Variants in SPRED2 observed in about 807,000 individuals in gnomAD.
SPRED2 encodes sprouty-related, EVH1 domain-containing protein 2.
SPRED2 carries 47 observed loss-of-function variants against 43.0 expected under a neutral mutation model. That is an observed-to-expected ratio of 1.09 (90% CI 0.87 to 1.40). SPRED2 has a LOEUF of 1.40. Among genes scored for constraint, SPRED2 ranks in the 40% most tolerant of loss-of-function variants. The pLI is 0.00. For missense variants in SPRED2, 561 were observed against 586.4 expected (o/e 0.96, Z 0.45); for synonymous variants, 225 against 225.7 (o/e 1.00, Z 0.03).
chr2:65,311,392 G>T lies in SPRED2; in HGVS notation c.*2109C>A. On this transcript the variant is annotated 3_prime_UTR_variant, in exon 6 of 6. Coordinates refer to ENST00000356388, the MANE Select transcript of SPRED2 (RefSeq NM_181784.3). ...GGGTGGAAAAGGACAAGGGGTGAAA[G>T]AAGAGAGAAACAGGTAACAACTAAA... The T allele has an allele frequency of 1.0e-6, 1 of 985,910 alleles. No homozygotes were observed. Among genetic ancestry groups the T allele is most frequent in the Non-Finnish European group, 1.2e-6 (1 of 829,942 alleles). The allele number at this position is 985,910 out of a possible 1,614,324, so 61.1% of individuals were successfully genotyped here.
intron 1 of SPRED2, chr2:65,374,052 C>A (rs1044369004): frequency 6.6e-6 from 1 of 152,200 alleles, no homozygotes; most frequent in African/African-American, 2.4e-5. Flanking sequence ...GCTAACTTAA[C>A]GTACTTTTCG....
chr2:65,387,217 G>A (rs1276534835), intron 1 of SPRED2, among the ~76,000 whole-genome samples: 1 of 152,188 alleles, frequency 6.6e-6, no homozygotes, highest in Non-Finnish European at 1.5e-5. Flanking sequence ...CACAGGGGCA[G>A]GAATTCTACA....
At chr2:65,420,149 G>T (rs1676387550) in intron 1 of SPRED2, among the ~76,000 whole-genome samples, 1 of 145,564 alleles carries the variant, frequency 6.9e-6, no homozygotes, top group African/African-American at 2.6e-5. Flanking sequence ...GGCGGCAGTT[G>T]CAGTGAGCCA....
intron 1 of SPRED2, among the ~76,000 whole-genome samples, chr2:65,379,354 G>A (rs943896627): frequency 5.9e-5 from 9 of 152,134 alleles, no homozygotes; most frequent in Non-Finnish European, 7.3e-5. Context: ...TAGCTGCTGA[G>A]TACTGGGGCC....
At chr2:65,394,729 T>G (rs1675714972) in intron 1 of SPRED2, among the ~76,000 whole-genome samples, 1 of 152,136 alleles carries the variant, frequency 6.6e-6, no homozygotes, top group Non-Finnish European at 1.5e-5. Flanking sequence ...TGCTTACTAT[T>G]TCTATTTCCC....
intron 1 of SPRED2, among the ~76,000 whole-genome samples, chr2:65,428,445 A>C (rs527299501): frequency 1.3e-5 from 2 of 152,354 alleles, no homozygotes; most frequent in East Asian, 3.9e-4. Context: ...TTTTGCAGAC[A>C]ATTCAGGCAG....
intron 4 of SPRED2, among the ~76,000 whole-genome samples, chr2:65,318,780 G>A (rs951682138): frequency 3.3e-5 from 5 of 152,044 alleles, no homozygotes; most frequent in Admixed American, 6.6e-5. Context: ...CTGAGTAGCC[G>A]GGACAATAGG....
intron 1 of SPRED2, among the ~76,000 whole-genome samples, chr2:65,357,561 G>A (rs779916282): frequency 1.7e-4 from 26 of 152,332 alleles, no homozygotes; most frequent in Non-Finnish European, 3.5e-4. Flanking sequence ...CTCGTGTGGT[G>A]GCAGAAGTGC....
intron 1 of SPRED2, among the ~76,000 whole-genome samples, chr2:65,381,016 C>G (rs898338699): frequency 6.6e-6 from 1 of 152,206 alleles, no homozygotes; most frequent in Non-Finnish European, 1.5e-5. Flanking sequence ...CTCTTAGGAT[C>G]CCCATTTTAG....
chr2:65,369,823 T>C (rs111269286), intron 1 of SPRED2, among the ~76,000 whole-genome samples: 1 of 152,240 alleles, frequency 6.6e-6, no homozygotes, highest in African/African-American at 2.4e-5. Context: ...GCTGAAGGCC[T>C]GGCTCCACCT....
intron 1 of SPRED2, chr2:65,377,599 G>C (rs111332916): frequency 1.9e-5 from 9 of 471,090 alleles, no homozygotes; most frequent in Non-Finnish European, 3.1e-5. Flanking sequence ...TTACCTCAGA[G>C]GGCAGAAACT....
At chr2:65,334,339 C>T (rs1322406925) in intron 3 of SPRED2, 1 of 561,324 alleles carries the variant, frequency 1.8e-6, no homozygotes, top group Non-Finnish European at 3.5e-6. Context: ...AATACATGCA[C>T]ATGGAAATCC....
chr2:65,388,142 G>T (rs1202000475), intron 1 of SPRED2, among the ~76,000 whole-genome samples: 1 of 152,202 alleles, frequency 6.6e-6, no homozygotes. Flanking sequence ...CGCGTCTTCA[G>T]CTTCAGCACA....
chr2:65,319,261 A>G (rs4671126), intron 4 of SPRED2, among the ~76,000 whole-genome samples: 56,476 of 152,040 alleles, frequency 0.37, 11,687 homozygotes, highest in East Asian at 0.76. Flanking sequence ...CCCCCAAGCC[A>G]TGGTGACTAA....
intron 2 of SPRED2, chr2:65,344,253 G>T (rs898173134): frequency 5.4e-6 from 1 of 184,556 alleles, no homozygotes; most frequent in African/African-American, 2.4e-5. Flanking sequence ...ATAAAAGCTA[G>T]ATAAACATTT....
At chr2:65,346,140 C>T (rs1011270017) in intron 1 of SPRED2, among the ~76,000 whole-genome samples, 12 of 152,110 alleles carry the variant, frequency 7.9e-5, no homozygotes, top group Admixed American at 2.6e-4. Context: ...TGGCCAGAGA[C>T]GTGGAGGCAG....
At chr2:65,372,861 C>G (rs544176326) in intron 1 of SPRED2, among the ~76,000 whole-genome samples, 3 of 152,334 alleles carry the variant, frequency 2.0e-5, no homozygotes, top group South Asian at 2.1e-4. Context: ...TGCTGTTTCC[C>G]TACCTCTAAG....
Position 65,312,276 on chromosome 2 carries a change from G to C in SPRED2, c.*1225C>G. ...GGAGAAAGACACTTAGGCATTGGAA[G>C]GGTTTTTACATATGGCCTTGTTTTT... On this transcript the variant is annotated 3_prime_UTR_variant, in exon 6 of 6. Transcript: ENST00000356388. 1 of 985,538 alleles carries C rather than the reference G, an allele frequency of 1.0e-6. No homozygotes were observed. Among genetic ancestry groups the C allele is most frequent in the Non-Finnish European group, 1.2e-6 (1 of 829,936 alleles). The allele number at this position is 985,538 out of a possible 1,614,324, so 61.0% of individuals were successfully genotyped here.
intron 1 of SPRED2, among the ~76,000 whole-genome samples, chr2:65,366,344 T>C (rs934671360): frequency 6.6e-6 from 1 of 151,852 alleles, no homozygotes; most frequent in Non-Finnish European, 1.5e-5. Flanking sequence ...TATCAGAATA[T>C]CTAAGGAGAA....
Sources: gnomAD v4.1 joint callset for allele counts (sites outside exome capture counted in the v4.1 genomes callset) on GRCh38, gnomAD v4.1.1 for gene constraint, MANE v1.5 for transcripts, NCBI Gene and HGNC (gene_info 2026-07-23, HGNC 2026-07-21) for gene names.